RMDN2: variants seen among roughly 807,000 people sequenced by gnomAD.
RMDN2 encodes regulator of microtubule dynamics protein 2.
RMDN2 carries 61 observed loss-of-function variants against 52.8 expected under a neutral mutation model. That is an observed-to-expected ratio of 1.16 (90% CI 0.94 to 1.43). The LOEUF (loss-of-function observed/expected upper bound fraction) is 1.43, where lower values mean the gene tolerates loss of function less well. Among genes scored for constraint, RMDN2 ranks in the 40% most tolerant of loss-of-function variants. The pLI, the probability that RMDN2 is intolerant of heterozygous loss-of-function variation, is 0.00. For missense variants in RMDN2, 592 were observed against 475.3 expected (o/e 1.25, Z -2.28); for synonymous variants, 180 against 153.1 (o/e 1.18, Z -1.30).
Position 37,982,562 on chromosome 2 carries a change from G to A in RMDN2, c.791+1219G>A, listed in dbSNP as rs189002661. Among the ~76,000 whole-genome samples the A allele has an allele frequency of 2.6e-4, 39 of 152,304 alleles. 1 individual carries two copies. The highest frequency in any genetic ancestry group is 2.4e-3 in the Admixed American group (36 of 15,296). On this transcript the variant is annotated intron_variant, in intron 5 of 10. Coordinates refer to ENST00000354545, the MANE Select transcript of RMDN2 (RefSeq NM_001170791.3). ...TTTTCCTTATCTTACGTAGCCTGGA[G>A]AAGAGTGAAGGGCTAAATCTGGCAG...
chr2:37,947,585 T>C (rs1668323739), intron 2 of RMDN2, among the ~76,000 whole-genome samples: 2 of 152,188 alleles, frequency 1.3e-5, no homozygotes, highest in Non-Finnish European at 2.9e-5. Context: ...ATCCTGGTGC[T>C]AATTTAAAAA....
chr2:37,936,863 A>G lies in RMDN2; in HGVS notation c.452+7134A>G, dbSNP rs1190857134. ...TAGGGTGCCTGTTCACTCTGATGAT[A>G]CTTTCTTTTGCTGTGCAGGAGCTCT... On this transcript the variant is annotated intron_variant, in intron 2 of 10. Transcript: ENST00000354545. 1.1e-4 allele frequency among the ~76,000 whole-genome samples: 17 copies of G among 152,274 alleles called. 1 individual carries two copies. The East Asian group carries it at 3.3e-3, about 29-fold the overall frequency.
chr2:37,985,755 A>G (rs1673923709), intron 5 of RMDN2, among the ~76,000 whole-genome samples: 1 of 152,214 alleles, frequency 6.6e-6, no homozygotes, highest in Non-Finnish European at 1.5e-5. Flanking sequence ...GTTGAAAAAG[A>G]TACCTAACAA....
At chr2:38,051,423 G>C (rs955249140) in intron 10 of RMDN2, among the ~76,000 whole-genome samples, 3 of 152,030 alleles carry the variant, frequency 2.0e-5, no homozygotes, top group Non-Finnish European at 4.4e-5. Context: ...CGTAGTATTT[G>C]TACATATTTA....
chr2:37,936,074 G>T (rs567010394), intron 2 of RMDN2, among the ~76,000 whole-genome samples: 3 of 152,074 alleles, frequency 2.0e-5, no homozygotes, highest in Non-Finnish European at 1.5e-5. Context: ...GACAGTCCCC[G>T]GTGTGTGATG....
chr2:37,982,818 T>C (rs767322768), intron 5 of RMDN2, among the ~76,000 whole-genome samples: 2 of 152,172 alleles, frequency 1.3e-5, no homozygotes, highest in Non-Finnish European at 2.9e-5. Context: ...GATAATCTAA[T>C]TTACATAATA....
intron 8 of RMDN2, among the ~76,000 whole-genome samples, chr2:37,998,741 A>T (rs1675914438): frequency 6.6e-6 from 1 of 152,194 alleles, no homozygotes; most frequent in Non-Finnish European, 1.5e-5. Flanking sequence ...CAAAAAATAA[A>T]AAAGAAACGG....
At chr2:38,043,211 C>T (rs1681072581) in intron 10 of RMDN2, among the ~76,000 whole-genome samples, 1 of 152,138 alleles carries the variant, frequency 6.6e-6, no homozygotes, top group African/African-American at 2.4e-5. Flanking sequence ...GTTATGTCTT[C>T]TTGGAGAATT....
chr2:37,995,435 T>TTAA (rs1358734716), intron 7 of RMDN2, among the ~76,000 whole-genome samples: 1 of 152,054 alleles, frequency 6.6e-6, no homozygotes, highest in East Asian at 1.9e-4. Context: ...TATAGTAAGT[T>TTAA]TAATTCACAA....
At chr2:37,963,780 T>C (rs1387863612) in intron 2 of RMDN2, among the ~76,000 whole-genome samples, 1 of 152,198 alleles carries the variant, frequency 6.6e-6, no homozygotes. Context: ...CCCCTTTCTA[T>C]TCCACAAAAC....
intron 2 of RMDN2, among the ~76,000 whole-genome samples, chr2:37,932,803 G>A: frequency 7.6e-6 from 1 of 131,176 alleles, no homozygotes; most frequent in Admixed American, 7.1e-5. Flanking sequence ...GGGGCGGCTG[G>A]CTGGGCGGGG....
chr2:38,020,011 C>T (rs1476366744), downstream of RMDN2, among the ~76,000 whole-genome samples: 10 of 151,964 alleles, frequency 6.6e-5, no homozygotes, highest in Admixed American at 6.6e-4. Context: ...AGCTAAAAAA[C>T]CGTGAACAGG....
At chr2:37,972,076 GATTT>G (rs1671880661) in intron 2 of RMDN2, among the ~76,000 whole-genome samples, 1 of 151,836 alleles carries the variant, frequency 6.6e-6, no homozygotes, top group South Asian at 2.1e-4. Flanking sequence ...TCTTTTGTTA[GATTT>G]ATTCCTAGCC....
chr2:37,951,241 A>G (rs1265932682), intron 2 of RMDN2: 1 of 1,583,176 alleles, frequency 6.3e-7, no homozygotes, highest in Non-Finnish European at 8.5e-7. Context: ...AGCTGCTGCA[A>G]AGAGGACCAG....
chr2:38,065,188 T>G (rs940135383), intron 10 of RMDN2, among the ~76,000 whole-genome samples: 1 of 152,068 alleles, frequency 6.6e-6, no homozygotes, highest in Non-Finnish European at 1.5e-5. Flanking sequence ...TACACAGGGA[T>G]GGAGCTGAGA....
intron 2 of RMDN2, among the ~76,000 whole-genome samples, chr2:37,937,561 C>G (rs1667412931): frequency 6.6e-6 from 1 of 152,162 alleles, no homozygotes; most frequent in African/African-American, 2.4e-5. Flanking sequence ...TTTGTGTCCT[C>G]TCTTGTTTCT....
chr2:38,037,422 T>A (rs1297677815), intron 10 of RMDN2, among the ~76,000 whole-genome samples: 1 of 152,202 alleles, frequency 6.6e-6, no homozygotes, highest in Non-Finnish European at 1.5e-5. Flanking sequence ...ACTATTCCCC[T>A]AAATTCTGCT....
At chr2:37,950,186 A>G (rs1668602186) in intron 2 of RMDN2, 1 of 328,680 alleles carries the variant, frequency 3.0e-6, no homozygotes, top group Non-Finnish European at 5.9e-6. Flanking sequence ...AGGGGTGTGG[A>G]AGGCAGCTGG....
intron 2 of RMDN2, among the ~76,000 whole-genome samples, chr2:37,933,260 C>T (rs538568642): frequency 5.3e-5 from 8 of 149,978 alleles, no homozygotes; most frequent in Admixed American, 3.3e-4. Context: ...GGATGGCGGC[C>T]GGGCAGAGAC....
Sources: allele counts gnomAD v4.1 joint callset (sites outside exome capture counted in the v4.1 genomes callset), GRCh38; gene constraint gnomAD v4.1.1; transcripts MANE v1.5; gene names NCBI Gene and HGNC (gene_info 2026-07-23, HGNC 2026-07-21).